The following COL6A6 variants were observed in gnomAD, a reference collection of about 807,000 sequenced individuals.
COL6A6 encodes the protein collagen alpha-6(VI) chain.
In COL6A6, 183 loss-of-function variants were observed where a neutral mutation model predicts 208.6. The ratio of observed to expected loss-of-function variants is 0.88; its 90% CI spans 0.78 to 0.99. The LOEUF (loss-of-function observed/expected upper bound fraction) is 0.99, where lower values mean the gene tolerates loss of function less well. Ranked by LOEUF, COL6A6 falls within the 50% of genes least tolerant of loss-of-function variation. The pLI, the probability that COL6A6 is intolerant of heterozygous loss-of-function variation, is 0.00. For synonymous variants in COL6A6, 973 were observed against 1,011.8 expected, an observed-to-expected ratio of 0.96 and a Z score of 0.73; for missense variants, 2,816 against 2,815.2, an observed-to-expected ratio of 1.00 and a Z score of -0.01.
rs111294107 is a variant in COL6A6, at chr3:130,553,851, T to G, written c.-31-6483T>G. 8.6e-3 allele frequency among the ~76,000 whole-genome samples: 1,297 copies of G among 150,110 alleles called. 11 individuals are homozygous for G. The highest frequency in any genetic ancestry group is 0.028 in the Middle Eastern group (8 of 288). On this transcript the variant is annotated intron_variant, in intron 1 of 36. Coordinates refer to ENST00000358511, the MANE Select transcript of COL6A6 (RefSeq NM_001102608.3). ...TTGCGGTGGGTTTTTTTTGTGTTTTTTTTTGTTTTGTTTTGTTTTGTTTTT... is the reference window on the plus strand; with the variant it reads ...TTGCGGTGGGTTTTTTTTGTGTTTTGTTTTGTTTTGTTTTGTTTTGTTTTT...
At chr3:130,542,898 CTTTTTTTTT>C (rs56339748) in intron 1 of COL6A6, among the ~76,000 whole-genome samples, 6 of 92,610 alleles carry the variant, frequency 6.5e-5, no homozygotes, top group African/African-American at 1.7e-4. Flanking sequence ...TCCATTCACT[CTTTTTTTTT>C]TTTTTTTTTT....
intron 18 of COL6A6, among the ~76,000 whole-genome samples, chr3:130,595,032 A>G (rs1313545971): frequency 1.3e-5 from 2 of 152,168 alleles, no homozygotes; most frequent in Non-Finnish European, 2.9e-5. Flanking sequence ...GACACAGCCA[A>G]ACCACTATCA....
At chr3:130,647,921 A>C (rs1055998001) in intron 32 of COL6A6, among the ~76,000 whole-genome samples, 1 of 152,244 alleles carries the variant, frequency 6.6e-6, no homozygotes. Flanking sequence ...TACCTGTTGC[A>C]AAGAACTGCT....
At chr3:130,588,993 A>G in intron 11 of COL6A6, 97 bp from the exon 12 acceptor site, 1 of 773,634 alleles carries the variant, frequency 1.3e-6, no homozygotes. Flanking sequence ...CAGGCTTCTG[A>G]AACTGTGGTA....
At chr3:130,547,474 C>T (rs569414912) in intron 1 of COL6A6, among the ~76,000 whole-genome samples, 49 of 152,298 alleles carry the variant, frequency 3.2e-4, no homozygotes, top group African/African-American at 7.9e-4. Flanking sequence ...CAGAGGGAGC[C>T]GGCTCCGGCC....
At chr3:130,613,460 T>G (rs1276609959) in intron 23 of COL6A6, among the ~76,000 whole-genome samples, 1 of 152,220 alleles carries the variant, frequency 6.6e-6, no homozygotes, top group East Asian at 1.9e-4. Context: ...GCCTTCAGCT[T>G]TGTTCTTTTT....
At chr3:130,525,827 C>T (rs1265974459) in intron 1 of COL6A6, among the ~76,000 whole-genome samples, 1 of 152,180 alleles carries the variant, frequency 6.6e-6, no homozygotes, top group Non-Finnish European at 1.5e-5. Flanking sequence ...CTTCCTGGAA[C>T]ATCACATTCC....
intron 2 of COL6A6, among the ~76,000 whole-genome samples, chr3:130,562,357 A>G (rs931841835): frequency 6.6e-6 from 1 of 152,244 alleles, no homozygotes; most frequent in African/African-American, 2.4e-5. Context: ...TTCTAGCCCA[A>G]GATACATTGG....
intron 36 of COL6A6, among the ~76,000 whole-genome samples, chr3:130,670,489 A>C (rs1308037562): frequency 2.0e-5 from 3 of 152,106 alleles, no homozygotes; most frequent in African/African-American, 4.8e-5. Context: ...GGGAGTCGGA[A>C]CCTAGAGACT....
rs752394971 is a variant in COL6A6 at position 130,649,337 on chromosome 3, C to T, written c.5508C>T (p.Ser1836=). The change falls in exon 33 of 37, where the codon TCC becomes TCT. Residue 1836 remains serine (S), a synonymous_variant. Transcript: ENST00000358511. Reference sequence around the variant, plus strand: ...TTGAAACTATTCCTTATGAGAGATCCTCTGCCAGCAGGGAGATTGGCAGAG... The same window carrying T: ...TTGAAACTATTCCTTATGAGAGATCTTCTGCCAGCAGGGAGATTGGCAGAG... ...REIETIPYER[S]SASREIGRAM... is the part of the protein sequence containing the mutation. 1.2e-6 allele frequency: 2 copies of T among 1,609,936 alleles called. No individual in the cohort carries two copies. The highest frequency in any genetic ancestry group is 1.3e-5 in the African/African-American group (1 of 74,858).
intron 22 of COL6A6, among the ~76,000 whole-genome samples, 165 bp downstream of exon 22, chr3:130,609,129 C>T (rs56768629): frequency 0.25 from 37,595 of 152,076 alleles, 5,559 homozygotes; most frequent in African/African-American, 0.39. Context: ...TCATGCAGCA[C>T]TTGGTCTGCT....
chr3:130,568,004 C>T (rs779123861), intron 5 of COL6A6, 43 bp from the exon 6 acceptor site: 2 of 1,494,942 alleles, frequency 1.3e-6, no homozygotes, highest in Non-Finnish European at 9.0e-7. Flanking sequence ...GAACTTTTTA[C>T]ATGTAGCTGA....
chr3:130,598,498 T>C, intron 19 of COL6A6, 68 bp downstream of exon 19: 2 of 1,039,028 alleles, frequency 1.9e-6, no homozygotes, highest in Non-Finnish European at 2.9e-6. Context: ...TGGTAGAATG[T>C]GAAATGCTTA....
chr3:130,575,874 G>A (rs1451292233), intron 8 of COL6A6, among the ~76,000 whole-genome samples: 9 of 151,868 alleles, frequency 5.9e-5, no homozygotes, highest in African/African-American at 2.2e-4. Context: ...AGCCACCTTT[G>A]TCTAAAGATC....
At chr3:130,588,802 C>A (rs2063602413) in intron 11 of COL6A6, among the ~76,000 whole-genome samples, 1 of 150,738 alleles carries the variant, frequency 6.6e-6, no homozygotes, top group Non-Finnish European at 1.5e-5. Context: ...AGTTGGCATG[C>A]AGTCAGTTTG....
chr3:130,576,363 T>C (rs963744), intron 8 of COL6A6, among the ~76,000 whole-genome samples: 18,018 of 152,106 alleles, frequency 0.12, 3,382 homozygotes, highest in African/African-American at 0.4. Flanking sequence ...ACTGCAGTCT[T>C]AAACCTTTAA....
At chr3:130,656,572 C>T (rs1220412277) in intron 33 of COL6A6, among the ~76,000 whole-genome samples, 1 of 152,182 alleles carries the variant, frequency 6.6e-6, no homozygotes, top group Non-Finnish European at 1.5e-5. Context: ...GAAAAAGCAC[C>T]ATAAGTTCCC....
rs1314691988 is a variant in COL6A6, at chr3:130,568,067, G to T, written c.1864G>T (p.Asp622Tyr). ...TGCAGCTTGCAAAGAGATGAAAGCT[G>T]ACATCATGTTTCTGGTGGACAGTTC... is the stretch of plus-strand genomic sequence containing the variant. ...TEEACKEMKA[D>Y]IMFLVDSSGS... Residue 622 changes from aspartate to tyrosine, a missense_variant, in exon 6 of 37, where the codon GAC (aspartate) becomes TAC (tyrosine). Asp to Tyr is a radical substitution (Grantham distance 160). Coordinates refer to ENST00000358511, the MANE Select transcript of COL6A6 (RefSeq NM_001102608.3). The T allele has an allele frequency of 4.3e-6, 7 of 1,610,984 alleles. No individual in the cohort carries two copies.
At chr3:130,561,057 A>G (rs913679374) in intron 2 of COL6A6, among the ~76,000 whole-genome samples, 1 of 152,260 alleles carries the variant, frequency 6.6e-6, no homozygotes, top group East Asian at 1.9e-4. Flanking sequence ...TTTGCCCTGC[A>G]AACATCTTCC....
Sources: allele counts gnomAD v4.1 joint callset (sites outside exome capture counted in the v4.1 genomes callset), GRCh38; gene constraint gnomAD v4.1.1; transcripts MANE v1.5; gene names NCBI Gene and HGNC (gene_info 2026-07-23, HGNC 2026-07-21).